SLC12A5: variants seen among roughly 807,000 people sequenced by gnomAD.
SLC12A5 encodes the protein solute carrier family 12 member 5.
In SLC12A5, 18 loss-of-function variants were observed where a neutral mutation model predicts 124.0. The ratio of observed to expected loss-of-function variants is 0.15; its 90% confidence interval spans 0.10 to 0.22. The LOEUF (loss-of-function observed/expected upper bound fraction) is 0.22, where lower values mean the gene tolerates loss of function less well. Ranked by LOEUF, SLC12A5 falls within the 10% of genes least tolerant of loss-of-function variation. The pLI is 1.00. For synonymous variants in SLC12A5, 589 were observed against 568.0 expected (o/e 1.04, Z -0.53); for missense variants, 867 against 1,478.7 (o/e 0.59, Z 6.78).
intron 16 of SLC12A5, among the ~76,000 whole-genome samples, chr20:46,048,358 AT>A (rs2084617293): frequency 1.3e-5 from 2 of 151,834 alleles, no homozygotes; most frequent in South Asian, 4.2e-4. Context: ...CATTTCCATC[AT>A]TTTTTCATAA....
At chr20:46,033,136 T>C (rs1478784908) in intron 1 of SLC12A5, among the ~76,000 whole-genome samples, 1 of 151,986 alleles carries the variant, frequency 6.6e-6, no homozygotes, top group Non-Finnish European at 1.5e-5. Flanking sequence ...CAGGAAGAGA[T>C]TGGTTTTATA....
At chr20:46,023,507 C>A in exon 3 of SLC12A5, 1 of 399,032 alleles carries the variant, frequency 2.5e-6, no homozygotes, top group South Asian at 1.3e-4. Flanking sequence ...CACTGGCCTC[C>A]CTGCCTCCAG....
chr20:46,029,510 G>C (rs565682657), intron 1 of SLC12A5, 114 bp downstream of exon 1: 2 of 1,159,610 alleles, frequency 1.7e-6, no homozygotes, highest in African/African-American at 3.2e-5. Flanking sequence ...GGACTGACCC[G>C]GGCGGTGGGC....
Position 46,035,857 on chromosome 20 carries a change from C to T in SLC12A5, c.360C>T (p.Leu120=). ...TTGGCGTCATCCTCTTCCTGCGGCT[C>T]ACCTGGGTGGTGGGCATTGCAGGCA... is the stretch of plus-strand genomic sequence containing the variant. ...NIFGVILFLR[L]TWVVGIAGIM... The change falls in exon 4 of 26, where the codon CTC becomes CTT. Residue 120 remains leucine (L), a synonymous_variant. Transcript: ENST00000243964. 6.2e-7 allele frequency: 1 copy of T among 1,614,178 alleles called. No individual in the cohort carries two copies. The highest frequency in any genetic ancestry group is 8.5e-7 in the Non-Finnish European group (1 of 1,180,002).
rs761015354 is a variant in SLC12A5 at position 46,053,007 on chromosome 20, A to G, written c.2428A>G (p.Asn810Asp). The change falls in exon 19 of 26, where the codon AAC becomes GAC. Residue 810 changes from asparagine (N) to aspartate (D), a missense_variant. Asn to Asp is a conservative substitution (Grantham distance 23). Transcript: ENST00000243964. The surrounding 1 kb of genome is among the most constrained non-coding windows in gnomAD (Gnocchi z 4.7). ...AGHLALLVTKNVSMFPGNPER... is the reference protein window; with the variant it reads ...AGHLALLVTKDVSMFPGNPER... Reference sequence around the variant, plus strand: ...CCACTTAGCCCTGCTGGTCACCAAGAACGTTTCCATGTTTCCTGGGAACCC... The same window carrying G: ...CCACTTAGCCCTGCTGGTCACCAAGGACGTTTCCATGTTTCCTGGGAACCC... 1.2e-6 allele frequency: 2 copies of G among 1,614,066 alleles called. No individual in the cohort carries two copies. The highest frequency in any genetic ancestry group is 3.3e-5 in the Admixed American group (2 of 60,018).
rs755740712 is a variant in SLC12A5, at chr20:46,045,974, G to A, written c.1666G>A (p.Glu556Lys). The A allele has an allele frequency of 7.4e-6, 12 of 1,614,094 alleles. No homozygotes were observed. The highest frequency in any genetic ancestry group is 1.6e-4 in the Middle Eastern group (1 of 6,062). Reference sequence around the variant, plus strand: ...TGGCATCCTCATTGCATCCCTCGACGAGGTGGCCCCCATCCTCTCTATGTG... The same window carrying A: ...TGGCATCCTCATTGCATCCCTCGACAAGGTGGCCCCCATCCTCTCTATGTG... ...EIGILIASLD[E>K]VAPILSMFFL... Residue 556 changes from glutamate to lysine, a missense_variant, in exon 13 of 26, where the codon GAG becomes AAG. Physicochemically the swap from Glu to Lys is moderately conservative, Grantham distance 56. Transcript: ENST00000243964. This position sits in a 1 kb window ranked among gnomAD's most constrained non-coding sequence, Gnocchi z 4.9.
At chr20:46,030,037 C>T (rs2084435047) in intron 1 of SLC12A5, among the ~76,000 whole-genome samples, 1 of 151,996 alleles carries the variant, frequency 6.6e-6, no homozygotes, top group African/African-American at 2.4e-5. Flanking sequence ...GGACCCCTCC[C>T]CCAAGGCTTC....
At position 46,045,287 on chromosome 20, in the gene SLC12A5, G is replaced by T. The variant is rs950020805; in HGVS notation, c.1569+147G>T. 14 of 1,010,606 alleles carry T rather than the reference G, an allele frequency of 1.4e-5. No individual in the cohort carries two copies. Among genetic ancestry groups the T allele is most frequent in the African/African-American group, 3.3e-5 (2 of 60,642 alleles). 62.6% of individuals were successfully genotyped at this position (1,010,606 alleles called of 1,614,324 possible). On this transcript the variant is annotated intron_variant, in intron 12 of 25. Transcript: ENST00000243964. This position sits in a 1 kb window ranked among gnomAD's most constrained non-coding sequence, Gnocchi z 4.9. ...GTACTGCACTGGCCAGGCCTATCTG[G>T]CAGGGTCTGAGGCACAGGGACAGGG...
At position 46,029,389 on chromosome 20, in the gene SLC12A5, C is replaced by G. The variant is rs1314476678; in HGVS notation, c.45C>G (p.Ala15=). ...LTDCEDGDGG[A]NPGDGNPKES... ...ACTGCGAGGACGGCGATGGGGGAGC[C>G]AACCCGGGTAAGCTGTGGTCCGGGG... Residue 15 remains alanine (A), a synonymous_variant, in exon 1 of 26, where the codon GCC becomes GCG. Transcript: ENST00000243964. 1.3e-6 allele frequency: 2 copies of G among 1,549,018 alleles called. No homozygotes were observed. Among genetic ancestry groups the G allele is most frequent in the Non-Finnish European group, 1.7e-6 (2 of 1,146,396 alleles).
intron 1 of SLC12A5, chr20:46,021,993 G>GGCGAAGGGGGCGGGTCT: frequency 7.8e-7 from 1 of 1,276,170 alleles, no homozygotes; most frequent in South Asian, 1.7e-5. Context: ...GGGGCGGGGA[G>GGCGAAGGGGGCGGGTCT]GGGTCCCAGC....
rs866490815 is a variant in SLC12A5 at position 46,035,016 on chromosome 20, G to T, written c.121G>T (p.Asp41Tyr). ...STDTEKGKEYDGKNMALFEEE... is the reference protein window; with the variant it reads ...STDTEKGKEYYGKNMALFEEE... ...CGACACAGAGAAGGGAAAGGAGTAT[G>T]ATGGCAAGAACATGGCCTTGTTTGA... is the stretch of plus-strand genomic sequence containing the variant. Residue 41 changes from aspartate (D) to tyrosine (Y), a missense_variant, in exon 2 of 26, where the codon GAT becomes TAT. Asp to Tyr is a radical substitution (Grantham distance 160). This residue lies in a region of SLC12A5 where 58 missense variants were observed against 52.2 expected (regional missense o/e 1.11). Transcript: ENST00000243964. 5 of 1,613,896 alleles carry T rather than the reference G, an allele frequency of 3.1e-6. No individual in the cohort carries two copies. The highest frequency in any genetic ancestry group is 1.3e-5 in the African/African-American group (1 of 74,872).
upstream of SLC12A5, among the ~76,000 whole-genome samples, chr20:46,025,718 C>T (rs1014320009): frequency 2.6e-5 from 4 of 152,130 alleles, no homozygotes; most frequent in Admixed American, 6.5e-5. Flanking sequence ...TGACGTGCTC[C>T]GCAGTGAGCC....
At chr20:46,040,308 A>T (rs2084534043) in intron 6 of SLC12A5, 65 bp from the exon 7 acceptor site, 2 of 1,587,298 alleles carry the variant, frequency 1.3e-6, no homozygotes, top group Non-Finnish European at 1.7e-6. Flanking sequence ...TTTTTCCTAA[A>T]GCGCTGCATG....
At position 46,043,773 on chromosome 20, in the gene SLC12A5, C is replaced by A. The variant is rs772384273; in HGVS notation, c.1336+42C>A. On this transcript the variant is annotated intron_variant, in intron 10 of 25. Coordinates refer to ENST00000243964, the MANE Select transcript of SLC12A5 (RefSeq NM_020708.5). The stretch of plus-strand genomic sequence containing the variant: ...TGCTGGGACCACCCTCGGGGGAGGG[C>A]AAGAGGGAGGGCAGCTGAACTTGCT... 9 of 1,612,680 alleles carry A rather than the reference C, an allele frequency of 5.6e-6. No individual in the cohort carries two copies. In the East Asian group the frequency reaches 2.0e-4, roughly 36 times the overall value.
At chr20:46,034,234 C>A (rs1346489870) in intron 1 of SLC12A5, among the ~76,000 whole-genome samples, 1 of 152,222 alleles carries the variant, frequency 6.6e-6, no homozygotes, top group Non-Finnish European at 1.5e-5. Context: ...AGCTCTTACT[C>A]ATTCTTCAGC....
chr20:46,024,744 C>G (rs1369367795), upstream of SLC12A5, among the ~76,000 whole-genome samples: 3 of 152,220 alleles, frequency 2.0e-5, no homozygotes, highest in Non-Finnish European at 2.9e-5. Context: ...TCAAATCTGC[C>G]ACTAACCCTG....
chr20:46,021,914 C>T, intron 1 of SLC12A5: 12 of 1,490,044 alleles, frequency 8.1e-6, no homozygotes, highest in Non-Finnish European at 9.8e-6. Flanking sequence ...CGGGGCCTGC[C>T]AGGGCCGGGC....
rs565709821 is a variant in SLC12A5 at position 46,053,695 on chromosome 20, G to A, written c.2665G>A (p.Glu889Lys). ...TCATTTACGCATCACTGCGGAGGTC[G>A]AGGTGGTGGAGATGGTGAGTCCCCA... ...LYHLRITAEV[E>K]VVEMHESDIS... is the part of the protein sequence containing the mutation. Residue 889 changes from glutamate (E) to lysine (K), a missense_variant, in exon 20 of 26, where the codon GAG (glutamate) becomes AAG (lysine). Physicochemically the swap from Glu to Lys is moderately conservative, Grantham distance 56 (BLOSUM62 1). Transcript: ENST00000243964. This position sits in a 1 kb window ranked among gnomAD's most constrained non-coding sequence, Gnocchi z 4.7. 1.9e-5 allele frequency: 30 copies of A among 1,594,900 alleles called. No homozygotes were observed. The highest frequency in any genetic ancestry group is 1.4e-4 in the South Asian group (12 of 88,814).
rs1414301325 is a variant in SLC12A5, at chr20:46,058,739, G to GGGA, written c.*1140_*1142dup. ...GGAGTTTCCTCCCTGGGACAAGTGA[G>GGGA]GGAGGAGGGGGCCGATTCTGGTTTA... On this transcript the variant is annotated 3_prime_UTR_variant, in exon 26 of 26. Coordinates refer to ENST00000243964, the MANE Select transcript of SLC12A5 (RefSeq NM_020708.5). This position sits in a 1 kb window ranked among gnomAD's most constrained non-coding sequence, Gnocchi z 5.8. 1 of 398,830 alleles carries GGGA rather than the reference G, an allele frequency of 2.5e-6. No individual in the cohort carries two copies. Among genetic ancestry groups the GGGA allele is most frequent in the East Asian group, 3.6e-5 (1 of 28,088 alleles). The allele number at this position is 398,830 out of a possible 1,614,324, so 24.7% of individuals were successfully genotyped here.
Sources: gnomAD v4.1 joint callset for allele counts (sites outside exome capture counted in the v4.1 genomes callset) on GRCh38, gnomAD v4.1.1 for gene constraint, gnomAD v4.1.1 regional missense constraint, Gnocchi (gnomAD v3.1) non-coding constraint, MANE v1.5 for transcripts, NCBI Gene and HGNC (gene_info 2026-07-23, HGNC 2026-07-21) for gene names.